The following ATG4A variants were observed in gnomAD, a reference collection of about 807,000 sequenced individuals.
ATG4A encodes the protein autophagy related 4A cysteine peptidase.
A neutral mutation model predicts 38.4 loss-of-function variants in ATG4A; 22 were observed. That is an observed-to-expected ratio of 0.57 (90% CI 0.41 to 0.82). ATG4A has a LOEUF of 0.82. ATG4A is among the 40% of genes least tolerant of loss of function. ATG4A has a pLI of 0.00. For missense variants in ATG4A, 220 were observed against 290.0 expected (o/e 0.76, Z 1.75); for synonymous variants, 86 against 100.7 (o/e 0.85, Z 0.88).
At chrX:108,124,913 A>G (rs779813356) in intron 1 of ATG4A, among the ~76,000 whole-genome samples, 11 of 111,616 alleles carry the variant, frequency 9.9e-5, no homozygotes, top group Admixed American at 5.7e-4. Context: ...TAGTTGTACA[A>G]ATGGCCCCCT....
At chrX:108,137,020 A>C in intron 6 of ATG4A, 71 bp from the exon 7 acceptor site, 1 of 941,892 alleles carries the variant, frequency 1.1e-6, no homozygotes, top group African/African-American at 1.9e-5. Context: ...AACACTGGGC[A>C]TAAATTGTAC....
At chrX:108,110,033 T>C (rs1644848423) in intron 1 of ATG4A, among the ~76,000 whole-genome samples, 1 of 110,138 alleles carries the variant, frequency 9.1e-6, no homozygotes. Flanking sequence ...ACAGAATAAT[T>C]GTACATGTTT....
chrX:108,092,421 A>G (rs2031659542), intron 1 of ATG4A, among the ~76,000 whole-genome samples: 1 of 112,606 alleles, frequency 8.9e-6, no homozygotes, highest in African/African-American at 3.2e-5. Flanking sequence ...AAATAGTGCC[A>G]TAGCAGAAGC....
intron 4 of ATG4A, among the ~76,000 whole-genome samples, chrX:108,133,207 T>C (rs2033008572): frequency 8.9e-6 from 1 of 112,522 alleles, no homozygotes; most frequent in Non-Finnish European, 1.9e-5. Flanking sequence ...TCAGTCTTTA[T>C]TTCAAACTCT....
chrX:108,107,180 G>A (rs2032201490), intron 1 of ATG4A, among the ~76,000 whole-genome samples: 1 of 110,800 alleles, frequency 9.0e-6, no homozygotes, highest in Non-Finnish European at 1.9e-5. Context: ...TTAAAGTCCC[G>A]TGTGTCCCTG....
intron 9 of ATG4A, among the ~76,000 whole-genome samples, chrX:108,142,727 T>G (rs989808738): frequency 9.0e-6 from 1 of 110,724 alleles, no homozygotes; most frequent in Admixed American, 9.6e-5. Context: ...CTTTTTCACA[T>G]TTTTCTGCCT....
intron 9 of ATG4A, 78 bp downstream of exon 9, chrX:108,138,269 G>A: frequency 1.1e-6 from 1 of 919,213 alleles, no homozygotes; most frequent in Non-Finnish European, 1.6e-6. Context: ...GGGAGACCAG[G>A]CAATTCCAGT....
intron 9 of ATG4A, chrX:108,149,913 T>G: frequency 5.8e-6 from 2 of 342,073 alleles, no homozygotes; most frequent in Non-Finnish European, 1.0e-5. Context: ...TCACTTTCCA[T>G]TTTGGGACTT....
Position 108,152,996 on chromosome X carries a change from T to A in ATG4A, c.1035T>A (p.Asn345Lys). The A allele has an allele frequency of 1.7e-6, 2 of 1,208,121 alleles. No individual in the cohort carries two copies. The highest frequency in any genetic ancestry group is 2.2e-6 in the Non-Finnish European group (2 of 892,289). The change falls in exon 12 of 13, where the codon AAT becomes AAA. Residue 345 changes from asparagine (N) to lysine (K), a missense_variant. This residue lies in a region of ATG4A where 159 missense variants were observed against 188.9 expected (regional missense o/e 0.84). Transcript: ENST00000372232. ...CTCCCCAGGAAATTCTAAAGGAGAA[T>A]TTAAGGATGTTTGAATTAGTTCAGA... is the stretch of plus-strand genomic sequence containing the variant. ...SLVQKEILKE[N>K]LRMFELVQKH...
intron 1 of ATG4A, among the ~76,000 whole-genome samples, chrX:108,101,483 A>T (rs1296693998): frequency 1.8e-5 from 2 of 108,416 alleles, no homozygotes; most frequent in Non-Finnish European, 3.8e-5. Flanking sequence ...TTAGATTATT[A>T]ATTTCAGACA....
At chrX:108,136,695 T>G (rs550919386) in intron 6 of ATG4A, among the ~76,000 whole-genome samples, 2 of 112,367 alleles carry the variant, frequency 1.8e-5, no homozygotes, top group Non-Finnish European at 3.8e-5. Flanking sequence ...TTTTAAAAGT[T>G]TTTTTACAGT....
At chrX:108,128,751 ATTTAAT>A in intron 2 of ATG4A, 24 bp from the exon 3 acceptor site, 2 of 1,052,415 alleles carry the variant, frequency 1.9e-6, no homozygotes, top group Non-Finnish European at 2.6e-6. Context: ...AGATATGGTG[ATTTAAT>A]TTTAATTTTA....
chrX:108,090,846 C>T (rs887987753), upstream of ATG4A, among the ~76,000 whole-genome samples: 3 of 112,725 alleles, frequency 2.7e-5, no homozygotes, highest in African/African-American at 6.5e-5. Context: ...ACTAACCTTC[C>T]CTTCTTTGCA....
At chrX:108,094,739 T>C (rs1250002072) in intron 1 of ATG4A, among the ~76,000 whole-genome samples, 3 of 112,349 alleles carry the variant, frequency 2.7e-5, no homozygotes, top group Non-Finnish European at 5.6e-5. Flanking sequence ...CTTCTCTTAA[T>C]AGTGCCTTTT....
intron 1 of ATG4A, among the ~76,000 whole-genome samples, chrX:108,118,373 G>T (rs1268607809): frequency 9.0e-6 from 1 of 111,185 alleles, no homozygotes; most frequent in Non-Finnish European, 1.9e-5. Context: ...AAGAATACTG[G>T]ATGAAGAGTA....
intron 11 of ATG4A, among the ~76,000 whole-genome samples, chrX:108,152,430 C>T (rs1029145681): frequency 1.8e-5 from 2 of 110,811 alleles, no homozygotes; most frequent in Non-Finnish European, 3.8e-5. Flanking sequence ...GACAGGGTTT[C>T]ACCACATTGG....
At chrX:108,098,393 A>G (rs955615578) in intron 1 of ATG4A, among the ~76,000 whole-genome samples, 2 of 111,981 alleles carry the variant, frequency 1.8e-5, no homozygotes, top group African/African-American at 6.5e-5. Context: ...ATTATGAATA[A>G]GAGACTCGCA....
rs3215492 is a variant in ATG4A, at chrX:108,150,100, T to TG, written c.815-49dup. On this transcript the variant is annotated intron_variant, in intron 9 of 12. Transcript: ENST00000372232. ...GAGTGCCTCCTCCCAACAACAGCAG[T>TG]GGGCCAGGACCGGTAATCCTTTGAA... is the stretch of plus-strand genomic sequence containing the variant. 532,197 of 1,181,727 alleles carry TG rather than the reference T, an allele frequency of 0.45. 87,204 individuals are homozygous for TG. The highest frequency in any genetic ancestry group is 0.68 in the African/African-American group (38,064 of 56,108).
At position 108,137,880 on chromosome X, in the gene ATG4A, C is replaced by G; in HGVS notation, c.624C>G (p.Asn208Lys). The G allele has an allele frequency of 1.2e-5, 15 of 1,206,061 alleles. No individual in the cohort carries two copies. The highest frequency in any genetic ancestry group is 1.5e-5 in the Non-Finnish European group (13 of 893,262). Reference sequence around the variant, plus strand: ...CTCCCGATTCTTTAACTGCTTCAAACCAGAGTAAGGGCACCTCTGCCTACT... The same window carrying G: ...CTCCCGATTCTTTAACTGCTTCAAAGCAGAGTAAGGGCACCTCTGCCTACT... ...DRPPDSLTAS[N>K]QSKGTSAYCS... The change falls in exon 8 of 13, where the codon AAC becomes AAG. Residue 208 changes from asparagine to lysine, a missense_variant. Coordinates refer to ENST00000372232, the MANE Select transcript of ATG4A (RefSeq NM_052936.5).
Sources: gnomAD v4.1 joint callset for allele counts (sites outside exome capture counted in the v4.1 genomes callset) on GRCh38, gnomAD v4.1.1 for gene constraint, gnomAD v4.1.1 regional missense constraint, MANE v1.5 for transcripts, NCBI Gene and HGNC (gene_info 2026-07-23, HGNC 2026-07-21) for gene names.